The following SPAG16 variants were observed in gnomAD, a reference collection of about 807,000 sequenced individuals.
SPAG16 encodes the protein sperm associated antigen 16.
A neutral mutation model predicts 80.4 loss-of-function variants in SPAG16; 86 were observed. The observed-to-expected ratio is 1.07, with a 90% CI of 0.90 to 1.28. SPAG16 has a LOEUF of 1.28. Ranked by LOEUF, SPAG16 falls within the 50% of genes most tolerant of loss-of-function variation. The probability of loss-of-function intolerance (pLI) is 0.00; values close to 1 mark genes in which losing one functional copy is unlikely to be tolerated. For missense variants in SPAG16, 870 were observed against 765.3 expected (o/e 1.14, Z -1.61); for synonymous variants, 294 against 265.9 (o/e 1.11, Z -1.03).
At chr2:214,282,202 G>A (rs528609875) in intron 15 of SPAG16, among the ~76,000 whole-genome samples, 103 of 152,048 alleles carry the variant, frequency 6.8e-4, no homozygotes, top group African/African-American at 2.2e-3. Context: ...AATAAAGCAC[G>A]TTTTAAAACA....
intron 15 of SPAG16, among the ~76,000 whole-genome samples, chr2:214,404,019 A>T (rs917648363): frequency 2.0e-5 from 3 of 152,194 alleles, no homozygotes; most frequent in African/African-American, 7.2e-5. Context: ...GACCATGAGG[A>T]CAGCTAGGAA....
intron 10 of SPAG16, among the ~76,000 whole-genome samples, chr2:213,854,298 C>A (rs1454829171): frequency 6.6e-6 from 1 of 151,970 alleles, no homozygotes; most frequent in African/African-American, 2.4e-5. Context: ...ATATGAAGGG[C>A]CAAATTACAA....
At chr2:213,944,460 T>C (rs1348030021) in intron 12 of SPAG16, among the ~76,000 whole-genome samples, 1 of 152,184 alleles carries the variant, frequency 6.6e-6, no homozygotes, top group African/African-American at 2.4e-5. Context: ...TCCCATCACT[T>C]TATTTTGGAA....
chr2:214,032,598 A>C (rs1040828426), intron 13 of SPAG16, among the ~76,000 whole-genome samples: 6 of 152,244 alleles, frequency 3.9e-5, no homozygotes, highest in Non-Finnish European at 2.9e-5. Context: ...GGAAGAACTT[A>C]AGTGCTACAA....
chr2:214,169,927 G>T (rs965939306), intron 15 of SPAG16, among the ~76,000 whole-genome samples: 27 of 152,000 alleles, frequency 1.8e-4, no homozygotes, highest in African/African-American at 6.3e-4. Context: ...TTGGAGGCCT[G>T]CCCACTCAGT....
At chr2:214,346,866 C>G (rs141509510) in intron 15 of SPAG16, among the ~76,000 whole-genome samples, 106 of 152,226 alleles carry the variant, frequency 7.0e-4, no homozygotes, top group Admixed American at 1.4e-3. Flanking sequence ...TGATCTCTGT[C>G]GACATCATTA....
At chr2:214,394,040 G>A (rs537647344) in intron 15 of SPAG16, among the ~76,000 whole-genome samples, 1 of 152,140 alleles carries the variant, frequency 6.6e-6, no homozygotes, top group African/African-American at 2.4e-5. Context: ...AATTTATTCT[G>A]TGTTTTCAAG....
intron 10 of SPAG16, among the ~76,000 whole-genome samples, chr2:213,599,574 T>C (rs1198425402): frequency 6.6e-6 from 1 of 152,238 alleles, no homozygotes; most frequent in Non-Finnish European, 1.5e-5. Context: ...TAGAGCTTAC[T>C]TTATTGTAAG....
intron 9 of SPAG16, among the ~76,000 whole-genome samples, chr2:213,409,047 A>T (rs2068816295): frequency 6.6e-6 from 1 of 151,896 alleles, no homozygotes; most frequent in Admixed American, 6.6e-5. Flanking sequence ...GAAAAAAAAA[A>T]GTGGGGTGGG....
intron 9 of SPAG16, among the ~76,000 whole-genome samples, chr2:213,487,531 G>A (rs2125716418): frequency 1.3e-5 from 2 of 152,076 alleles, no homozygotes; most frequent in South Asian, 4.2e-4. Context: ...GAAATCTAAT[G>A]TTTACCTCTG....
At chr2:214,249,298 T>C (rs1466140474) in intron 15 of SPAG16, among the ~76,000 whole-genome samples, 2 of 152,170 alleles carry the variant, frequency 1.3e-5, no homozygotes, top group Non-Finnish European at 2.9e-5. Context: ...TCCAGATTTT[T>C]GTGAACATAA....
intron 10 of SPAG16, among the ~76,000 whole-genome samples, chr2:213,709,174 C>T (rs1362910036): frequency 6.6e-6 from 1 of 152,186 alleles, no homozygotes; most frequent in Non-Finnish European, 1.5e-5. Context: ...CATGGTAGTT[C>T]ATGGCAATCC....
intron 11 of SPAG16, among the ~76,000 whole-genome samples, chr2:213,893,713 C>T (rs1302591542): frequency 6.6e-6 from 1 of 151,528 alleles, no homozygotes; most frequent in East Asian, 1.9e-4. Context: ...TTTTGTAAGA[C>T]TCATGGTGAC....
chr2:213,906,259 A>G (rs71426349), intron 11 of SPAG16, among the ~76,000 whole-genome samples: 108 of 152,234 alleles, frequency 7.1e-4, no homozygotes, highest in African/African-American at 2.5e-3. Flanking sequence ...AATCGCATAT[A>G]CAATAGAAAC....
chr2:214,388,419 A>G (rs956551214), intron 15 of SPAG16, among the ~76,000 whole-genome samples: 1 of 152,168 alleles, frequency 6.6e-6, no homozygotes, highest in Non-Finnish European at 1.5e-5. Context: ...TGTTAAAGGG[A>G]AGAGGAAAAG....
chr2:213,928,837 T>TAA (rs921582746), intron 11 of SPAG16, among the ~76,000 whole-genome samples: 1 of 151,460 alleles, frequency 6.6e-6, no homozygotes, highest in Non-Finnish European at 1.5e-5. Flanking sequence ...AGAACACATT[T>TAA]AAAAAGCATG....
chr2:213,564,583 G>A (rs2059700834), intron 10 of SPAG16, among the ~76,000 whole-genome samples: 1 of 151,626 alleles, frequency 6.6e-6, no homozygotes, highest in African/African-American at 2.4e-5. Context: ...TATTTTAAAT[G>A]AAATTACTTG....
chr2:214,377,283 G>A (rs978485050), intron 15 of SPAG16, among the ~76,000 whole-genome samples: 2 of 152,138 alleles, frequency 1.3e-5, no homozygotes, highest in African/African-American at 4.8e-5. Context: ...AACACCGTTG[G>A]ACCCATACGA....
At chr2:213,823,737 TG>T (rs2125699754) in intron 10 of SPAG16, among the ~76,000 whole-genome samples, 1 of 152,346 alleles carries the variant, frequency 6.6e-6, no homozygotes, top group Admixed American at 6.5e-5. Context: ...TTATATCATT[TG>T]CCTACTTTTT....
Sources: allele counts gnomAD v4.1 joint callset (sites outside exome capture counted in the v4.1 genomes callset), GRCh38; gene constraint gnomAD v4.1.1; transcripts MANE v1.5; gene names NCBI Gene and HGNC (gene_info 2026-07-23, HGNC 2026-07-21).